ITPK1: variants seen among roughly 807,000 people sequenced by gnomAD.
ITPK1 encodes inositol-tetrakisphosphate 1-kinase, also known as inositol 1,3,4-trisphosphate 5/6-kinase.
A neutral mutation model predicts 45.3 loss-of-function variants in ITPK1; 21 were observed. The observed-to-expected ratio is 0.46, with a 90% CI of 0.33 to 0.67. The LOEUF (loss-of-function observed/expected upper bound fraction) is 0.67. Ranked by LOEUF, ITPK1 falls within the 30% of genes least tolerant of loss-of-function variation. The pLI is 0.02. For synonymous variants in ITPK1, 258 were observed against 253.6 expected (o/e 1.02, Z -0.16); for missense variants, 474 against 573.5 (o/e 0.83, Z 1.77).
At chr14:93,015,623 G>A (rs1888136810) in intron 4 of ITPK1, among the ~76,000 whole-genome samples, 2 of 152,236 alleles carry the variant, frequency 1.3e-5, no homozygotes, top group South Asian at 4.1e-4. Context: ...CAGACGCCCT[G>A]GAGGGCACAA....
chr14:93,008,391 GGA>G (rs3035686), intron 4 of ITPK1, among the ~76,000 whole-genome samples: 64,343 of 152,048 alleles, frequency 0.42, 14,584 homozygotes, highest in African/African-American at 0.55. Context: ...ATGTCTTTTA[GGA>G]GAACTCTGGC....
intron 10 of ITPK1, among the ~76,000 whole-genome samples, chr14:92,942,702 G>T (rs1314355176): frequency 6.7e-6 from 1 of 150,360 alleles, no homozygotes; most frequent in African/African-American, 2.5e-5. Context: ...CCTGCCTGGG[G>T]CAAGTGCTTC....
intron 5 of ITPK1, among the ~76,000 whole-genome samples, chr14:92,993,452 C>T (rs1266613293): frequency 6.6e-6 from 1 of 152,138 alleles, no homozygotes; most frequent in East Asian, 1.9e-4. Context: ...CAGAGTGGAC[C>T]CATGAGGTCC....
At chr14:92,986,755 C>T (rs1436648616) in intron 5 of ITPK1, among the ~76,000 whole-genome samples, 3 of 152,160 alleles carry the variant, frequency 2.0e-5, no homozygotes, top group Non-Finnish European at 2.9e-5. Flanking sequence ...CAAGGTTAAG[C>T]TCTGAGTGAA....
At chr14:93,038,567 G>A (rs1256627166) in intron 3 of ITPK1, among the ~76,000 whole-genome samples, 4 of 152,036 alleles carry the variant, frequency 2.6e-5, no homozygotes, top group African/African-American at 4.8e-5. Context: ...TCACTTTGTC[G>A]CCCAGGCTGG....
At chr14:92,969,165 T>C (rs1161219867) in intron 5 of ITPK1, among the ~76,000 whole-genome samples, 1 of 152,074 alleles carries the variant, frequency 6.6e-6, no homozygotes, top group Non-Finnish European at 1.5e-5. Flanking sequence ...GAGCCTCTAC[T>C]AGATGCCAGG....
chr14:92,992,747 G>A (rs1349214242), intron 5 of ITPK1, among the ~76,000 whole-genome samples: 3 of 152,242 alleles, frequency 2.0e-5, no homozygotes, highest in Non-Finnish European at 2.9e-5. Flanking sequence ...AATAGGGGCC[G>A]GGGAGCCTGA....
chr14:93,038,584 A>T (rs1474343822), intron 3 of ITPK1, among the ~76,000 whole-genome samples: 1 of 151,980 alleles, frequency 6.6e-6, no homozygotes, highest in East Asian at 1.9e-4. Flanking sequence ...CTGGAGTGCA[A>T]TGGTGCAATC....
Position 93,014,335 on chromosome 14 carries a change from G to A in ITPK1, c.246+2341C>T, listed in dbSNP as rs182281529. Among the ~76,000 whole-genome samples, 1 of 152,310 alleles carries A rather than the reference G, an allele frequency of 6.6e-6. No individual in the cohort carries two copies. The highest frequency in any genetic ancestry group is 2.4e-5 in the African/African-American group (1 of 41,564). On this transcript the variant is annotated intron_variant, in intron 4 of 10. Transcript: ENST00000267615. This position sits in a 1 kb window ranked among gnomAD's most constrained non-coding sequence, Gnocchi z 4.4. ...CAGCGGGCACTCTCATTCACTGTTT[G>A]GACATCACTTGCCTGGGCTGTGGGC...
intron 2 of ITPK1, among the ~76,000 whole-genome samples, chr14:93,093,010 C>G (rs534472978): frequency 6.6e-6 from 1 of 152,212 alleles, no homozygotes; most frequent in Non-Finnish European, 1.5e-5. Context: ...GATCCGACTG[C>G]TGCTTCACTT....
At position 92,941,165 on chromosome 14, in the gene ITPK1, T is replaced by G; in HGVS notation, c.*396A>C. 2.5e-6 allele frequency: 3 copies of G among 1,217,642 alleles called. No homozygotes were observed. Among genetic ancestry groups the G allele is most frequent in the Non-Finnish European group, 3.1e-6 (3 of 964,892 alleles). The allele number at this position is 1,217,642 out of a possible 1,614,324, so 75.4% of individuals were successfully genotyped here. A position where few individuals can be genotyped will look rare whatever the true frequency, so the allele number is the denominator to read the frequency against. On this transcript the variant is annotated 3_prime_UTR_variant, in exon 11 of 11. Coordinates refer to ENST00000267615, the MANE Select transcript of ITPK1 (RefSeq NM_014216.6). ...CCGATCAGCCTCCCACAGCCCGACATGGGCAGGCTTCCCCCAAGGGTCCCG... is the reference window on the plus strand; with the variant it reads ...CCGATCAGCCTCCCACAGCCCGACAGGGGCAGGCTTCCCCCAAGGGTCCCG...
chr14:92,975,957 TC>T (rs897541970), intron 5 of ITPK1, among the ~76,000 whole-genome samples: 3 of 151,624 alleles, frequency 2.0e-5, no homozygotes, highest in Non-Finnish European at 4.4e-5. Flanking sequence ...TATAAGGGGC[TC>T]CCCCCATGCT....
intron 4 of ITPK1, among the ~76,000 whole-genome samples, chr14:93,008,598 T>C (rs1887735801): frequency 6.6e-6 from 1 of 152,164 alleles, no homozygotes; most frequent in Non-Finnish European, 1.5e-5. Context: ...ACTCTGTCCA[T>C]CCCAGAGGGC....
At chr14:93,089,293 G>A (rs1768226072) in intron 2 of ITPK1, among the ~76,000 whole-genome samples, 1 of 152,134 alleles carries the variant, frequency 6.6e-6, no homozygotes, top group Non-Finnish European at 1.5e-5. Context: ...ACACGCCCTG[G>A]GTCAATCCAG....
rs150774665 is a variant in ITPK1, at chr14:93,065,971, C to A, written c.120+10624G>T. 9.7e-4 allele frequency among the ~76,000 whole-genome samples: 148 copies of A among 152,270 alleles called. 1 individual carries two copies. The highest frequency in any genetic ancestry group is 3.0e-3 in the African/African-American group (124 of 41,554). ...AGAAAAGCCTAACCTGAATGCACAT[C>A]ATATAGAAAAAGGAGCATATTTTAT... On this transcript the variant is annotated intron_variant, in intron 3 of 10. Coordinates refer to ENST00000267615, the MANE Select transcript of ITPK1 (RefSeq NM_014216.6).
intron 3 of ITPK1, among the ~76,000 whole-genome samples, chr14:93,019,315 GA>G (rs1171434810): frequency 6.6e-6 from 1 of 152,222 alleles, no homozygotes; most frequent in African/African-American, 2.4e-5. Context: ...GGAAGGAGGT[GA>G]GCAGAGGGGA....
intron 5 of ITPK1, among the ~76,000 whole-genome samples, chr14:92,985,969 G>A (rs1257229138): frequency 6.6e-6 from 1 of 152,216 alleles, no homozygotes; most frequent in Non-Finnish European, 1.5e-5. Context: ...ACAGCTGGGT[G>A]TTTAGGAGAG....
chr14:93,073,346 G>A (rs1007252550), intron 3 of ITPK1, among the ~76,000 whole-genome samples: 1 of 152,164 alleles, frequency 6.6e-6, no homozygotes, highest in African/African-American at 2.4e-5. Context: ...CAGGGAAGAA[G>A]GGCTCCCGAG....
chr14:92,986,508 C>T (rs1447658360), intron 5 of ITPK1, among the ~76,000 whole-genome samples: 1 of 152,194 alleles, frequency 6.6e-6, no homozygotes, highest in Non-Finnish European at 1.5e-5. Flanking sequence ...TGATCGGAGC[C>T]AGCTGATGTC....
Sources: allele counts gnomAD v4.1 joint callset (sites outside exome capture counted in the v4.1 genomes callset), GRCh38; gene constraint gnomAD v4.1.1; non-coding constraint Gnocchi (gnomAD v3.1); transcripts MANE v1.5; gene names NCBI Gene and HGNC (gene_info 2026-07-23, HGNC 2026-07-21).